Variants in RAB5B observed in about 807,000 individuals in gnomAD.
RAB5B encodes ras-related protein Rab-5B.
Under a neutral mutation model 28.6 loss-of-function variants are expected in RAB5B, and 11 were observed. That is an observed-to-expected ratio of 0.38 (90% CI 0.24 to 0.64). RAB5B has a LOEUF of 0.64. Ranked by LOEUF, RAB5B falls within the 30% of genes least tolerant of loss-of-function variation. The probability of loss-of-function intolerance (pLI) is 0.53; values close to 1 mark genes in which losing one functional copy is unlikely to be tolerated. For synonymous variants in RAB5B, 93 were observed against 97.9 expected (o/e 0.95, Z 0.29); for missense variants, 169 against 265.6 (o/e 0.64, Z 2.53).
Position 55,990,244 on chromosome 12 carries a change from C to T in RAB5B, c.315+146C>T, listed in dbSNP as rs183810553. 358 of 925,070 alleles carry T rather than the reference C, an allele frequency of 3.9e-4. 4 individuals carry two copies. In the East Asian group the frequency reaches 6.3e-3, roughly 16 times the overall value. 57.3% of individuals were successfully genotyped at this position (925,070 alleles called of 1,614,324 possible). ...CCAACATGGTGAAACCCCGTCTCTA[C>T]TAAAATTACAAAAATTAGTTGGGCG... On this transcript the variant is annotated intron_variant, in intron 3 of 5. Transcript: ENST00000360299.
intron 1 of RAB5B, chr12:55,980,769 C>T (rs547663039): frequency 2.6e-5 from 41 of 1,578,614 alleles, no homozygotes; most frequent in African/African-American, 1.2e-4. Flanking sequence ...TCCGTGATGT[C>T]GTATGCTAGG....
chr12:55,989,402 G>C (rs1890044866), intron 2 of RAB5B, among the ~76,000 whole-genome samples: 1 of 152,056 alleles, frequency 6.6e-6, no homozygotes, highest in Non-Finnish European at 1.5e-5. Flanking sequence ...AGCCTCCCGA[G>C]TAGCTGTGAT....
At chr12:55,979,597 A>G (rs556565871) in intron 1 of RAB5B, 3 of 152,338 alleles carry the variant, frequency 2.0e-5, no homozygotes, top group East Asian at 1.9e-4. Context: ...AATTGCTTCT[A>G]TTTCAACTGT....
chr12:55,985,200 C>T (rs1592800843), intron 1 of RAB5B, among the ~76,000 whole-genome samples: 1 of 152,206 alleles, frequency 6.6e-6, no homozygotes, highest in South Asian at 2.1e-4. Flanking sequence ...GAATTGGACT[C>T]CAGAGCCTTT....
At position 55,992,578 on chromosome 12, in the gene RAB5B, T is replaced by G; in HGVS notation, c.*366T>G. 1 of 464,704 alleles carries G rather than the reference T, an allele frequency of 2.2e-6. No individual in the cohort carries two copies. The highest frequency in any genetic ancestry group is 2.4e-5 in the Admixed American group (1 of 42,102). The allele number at this position is 464,704 out of a possible 1,614,324, so 28.8% of individuals were successfully genotyped here. ...AGAAAACACTTCTGACTCCTGTCCCTTCCCCTTCTGCTTTTGGTCAGTCCC... is the reference window on the plus strand; with the variant it reads ...AGAAAACACTTCTGACTCCTGTCCCGTCCCCTTCTGCTTTTGGTCAGTCCC... On this transcript the variant is annotated 3_prime_UTR_variant, in exon 6 of 6. Transcript: ENST00000360299.
intron 1 of RAB5B, among the ~76,000 whole-genome samples, chr12:55,983,960 T>C (rs904083143): frequency 2.0e-5 from 3 of 152,120 alleles, no homozygotes; most frequent in African/African-American, 7.2e-5. Context: ...CTGCCAGGCC[T>C]GTTTTTTCTC....
rs1159552659 is a variant in RAB5B at position 55,992,175 on chromosome 12, A to G, written c.611A>G (p.Gln204Arg). ...GRSRGVDLHEQSQQNKSQCCS... is the reference protein window; with the variant it reads ...GRSRGVDLHERSQQNKSQCCS... The stretch of plus-strand genomic sequence containing the variant: ...AGCCGGGGTGTGGATCTCCATGAAC[A>G]GTCCCAGCAGAACAAGAGCCAGTGT... Residue 204 changes from glutamine (Q) to arginine (R), a missense_variant, in exon 6 of 6, where the codon CAG becomes CGG. By Grantham distance (43) the Gln-to-Arg change is conservative. This residue lies in a region of RAB5B where 123 missense variants were observed against 162.4 expected (regional missense o/e 0.76). Coordinates refer to ENST00000360299, the MANE Select transcript of RAB5B (RefSeq NM_002868.4). 6.8e-6 allele frequency: 11 copies of G among 1,610,584 alleles called. No individual in the cohort carries two copies. In the South Asian group the frequency reaches 9.9e-5, roughly 14 times the overall value.
At chr12:55,991,506 T>A in intron 5 of RAB5B, 53 bp downstream of exon 5, 1 of 1,465,794 alleles carries the variant, frequency 6.8e-7, no homozygotes. Flanking sequence ...ATAGGCAAAA[T>A]TATAGCTAAC....
intron 2 of RAB5B, among the ~76,000 whole-genome samples, chr12:55,988,159 AAACAACAAC>A (rs372043388): frequency 5.9e-5 from 9 of 151,796 alleles, no homozygotes; most frequent in South Asian, 2.1e-4. Context: ...CAAAAAAACA[AAACAACAAC>A]AACAACAACA....
intron 1 of RAB5B, among the ~76,000 whole-genome samples, chr12:55,984,417 T>C (rs930159665): frequency 1.3e-5 from 2 of 152,194 alleles, no homozygotes; most frequent in Non-Finnish European, 2.9e-5. Flanking sequence ...CTCAAACTCC[T>C]GACCTCCTGA....
chr12:55,981,121 T>G, intron 1 of RAB5B: 4 of 1,149,752 alleles, frequency 3.5e-6, no homozygotes, highest in Non-Finnish European at 5.0e-6. Flanking sequence ...TGGAGTGCAG[T>G]CGTGTGATCT....
chr12:55,985,964 T>C (rs1889940465), intron 1 of RAB5B, among the ~76,000 whole-genome samples: 2 of 152,196 alleles, frequency 1.3e-5, no homozygotes, highest in African/African-American at 2.4e-5. Flanking sequence ...TCTCTTTACC[T>C]TCAACCAAAA....
chr12:55,992,826 C>A lies in RAB5B; in HGVS notation c.*614C>A. ...ATGATTTGGCCTTGTGGAGGGTGTT[C>A]CTAGGTAGAGGTGAGAATGGGGAGG... is the stretch of plus-strand genomic sequence containing the variant. On this transcript the variant is annotated 3_prime_UTR_variant, in exon 6 of 6. Coordinates refer to ENST00000360299, the MANE Select transcript of RAB5B (RefSeq NM_002868.4). 3.5e-6 allele frequency: 1 copy of A among 285,162 alleles called. No individual in the cohort carries two copies. Among genetic ancestry groups the A allele is most frequent in the Admixed American group, 5.8e-5 (1 of 17,140 alleles). 17.7% of individuals were successfully genotyped at this position (285,162 alleles called of 1,614,324 possible). A position where few individuals can be genotyped will look rare whatever the true frequency, so the allele number is the denominator to read the frequency against.
intron 2 of RAB5B, among the ~76,000 whole-genome samples, chr12:55,987,460 G>T (rs1889984637): frequency 6.6e-6 from 1 of 151,994 alleles, no homozygotes; most frequent in South Asian, 2.1e-4. Flanking sequence ...CACCACGCCG[G>T]GCCGGTAAGG....
chr12:55,980,796 C>A (rs565967120), intron 1 of RAB5B: 89 of 1,579,774 alleles, frequency 5.6e-5, no homozygotes, highest in Non-Finnish European at 3.1e-5. Context: ...CCCATGGCTC[C>A]ACGGTAGTAG....
Position 55,995,987 on chromosome 12 carries a change from A to T in RAB5B, c.*3775A>T, listed in dbSNP as rs1890283522. 1 of 99,420 alleles carries T rather than the reference A, an allele frequency of 1.0e-5. No individual in the cohort carries two copies. The highest frequency in any genetic ancestry group is 5.3e-5 in the African/African-American group (1 of 18,968). The allele number at this position is 99,420 out of a possible 1,614,324, so 6.2% of individuals were successfully genotyped here. A position where few individuals can be genotyped will look rare whatever the true frequency, so the allele number is the denominator to read the frequency against. ...TCTCTCTCTCCATATATATATACAT[A>T]TATATATATATATATATTTTTTTTT... On this transcript the variant is annotated 3_prime_UTR_variant, in exon 6 of 6. Transcript: ENST00000360299.
At position 55,996,067 on chromosome 12, in the gene RAB5B, A is replaced by G. The variant is rs1432858944; in HGVS notation, c.*3855A>G. Reference sequence around the variant, plus strand: ...GCCTTCTTCAGTGATTTGATTGTATACAGATTGAAATCCTTTCCATTTCCA... The same window carrying G: ...GCCTTCTTCAGTGATTTGATTGTATGCAGATTGAAATCCTTTCCATTTCCA... On this transcript the variant is annotated 3_prime_UTR_variant, in exon 6 of 6. Coordinates refer to ENST00000360299, the MANE Select transcript of RAB5B (RefSeq NM_002868.4). 2 of 148,352 alleles carry G rather than the reference A, an allele frequency of 1.3e-5. No individual in the cohort carries two copies. Among genetic ancestry groups the G allele is most frequent in the Non-Finnish European group, 3.0e-5 (2 of 67,488 alleles). 9.2% of individuals were successfully genotyped at this position (148,352 alleles called of 1,614,324 possible).
chr12:55,975,968 TCTCA>T (rs1241847745), intron 1 of RAB5B, among the ~76,000 whole-genome samples: 2 of 152,016 alleles, frequency 1.3e-5, no homozygotes, highest in African/African-American at 2.4e-5. Flanking sequence ...GCCAGGATGG[TCTCA>T]ATCTCTTGAC....
rs965363557 is a variant in RAB5B at position 55,976,188 on chromosome 12, G to A, written c.-93+2049G>A. ...TTAGGAAGGTCAAGGATCAGAGACA[G>A]CAAATCAGACTAATCTTGCTTTGCT... On this transcript the variant is annotated intron_variant, in intron 1 of 5. Coordinates refer to ENST00000360299, the MANE Select transcript of RAB5B (RefSeq NM_002868.4). Among the ~76,000 whole-genome samples, 3 of 152,168 alleles carry A rather than the reference G, an allele frequency of 2.0e-5. No individual in the cohort carries two copies. The South Asian group carries it at 6.2e-4, about 31-fold the overall frequency.
Sources: gnomAD v4.1 joint callset for allele counts (sites outside exome capture counted in the v4.1 genomes callset) on GRCh38, gnomAD v4.1.1 for gene constraint, gnomAD v4.1.1 regional missense constraint, MANE v1.5 for transcripts, NCBI Gene and HGNC (gene_info 2026-07-23, HGNC 2026-07-21) for gene names.